Variants in UGGT2 observed in about 807,000 individuals in gnomAD.
UGGT2 encodes UDP-glucose:glycoprotein glucosyltransferase 2.
UGGT2 carries 180 observed loss-of-function variants against 192.1 expected under a neutral mutation model. That is an observed-to-expected ratio of 0.94 (90% confidence interval 0.83 to 1.06). The LOEUF is 1.06. Among genes scored for constraint, UGGT2 ranks in the 50% least tolerant of loss-of-function variants. UGGT2 has a pLI of 0.00. For missense variants in UGGT2, 1,849 were observed against 1,795.7 expected (o/e 1.03, Z -0.54); for synonymous variants, 580 against 591.0 (o/e 0.98, Z 0.27).
At chr13:95,960,319 C>T (rs2050347435) in intron 12 of UGGT2, among the ~76,000 whole-genome samples, 1 of 152,138 alleles carries the variant, frequency 6.6e-6, no homozygotes, top group Non-Finnish European at 1.5e-5. Context: ...TAAGAGAATA[C>T]TTTAAAACAA....
intron 12 of UGGT2, 58 bp downstream of exon 12, chr13:95,970,054 T>C: frequency 1.3e-6 from 2 of 1,505,160 alleles, no homozygotes; most frequent in Middle Eastern, 1.7e-4. Flanking sequence ...TACTTCATTT[T>C]ATGTTAAGCC....
rs533291284 is a variant in UGGT2, at chr13:96,003,565, T to C, written c.661-4258A>G. On this transcript the variant is annotated intron_variant, in intron 5 of 38. Coordinates refer to ENST00000376747, the MANE Select transcript of UGGT2 (RefSeq NM_020121.4). ...GCAGAAGTATCACTGTATGAGTTCT[T>C]GGGCATAGGGCTTAAGAGGTATTGC... Among the ~76,000 whole-genome samples, 3 of 152,324 alleles carry C rather than the reference T, an allele frequency of 2.0e-5. No homozygotes were observed. In the South Asian group the frequency reaches 6.2e-4, roughly 32 times the overall value.
intron 38 of UGGT2, among the ~76,000 whole-genome samples, chr13:95,820,400 A>G (rs1287652194): frequency 6.6e-6 from 1 of 152,156 alleles, no homozygotes; most frequent in South Asian, 2.1e-4. Context: ...CAAAAAAGGA[A>G]TACAAAGCTC....
At chr13:95,927,160 T>C (rs369637281) in intron 18 of UGGT2, 34 bp from the exon 19 acceptor site, 3 of 1,605,022 alleles carry the variant, frequency 1.9e-6, no homozygotes, top group Non-Finnish European at 2.5e-6. Context: ...TAAATATAAA[T>C]AAAGAATTCA....
chr13:95,882,785 T>G (rs1328436127), intron 27 of UGGT2, among the ~76,000 whole-genome samples: 1 of 152,162 alleles, frequency 6.6e-6, no homozygotes, highest in African/African-American at 2.4e-5. Context: ...CTGCTGAAAT[T>G]TTCACCAGCA....
intron 12 of UGGT2, among the ~76,000 whole-genome samples, chr13:95,955,194 T>C (rs2050177163): frequency 1.3e-5 from 2 of 152,244 alleles, no homozygotes. Flanking sequence ...ACTATGTTCC[T>C]ATTTTTAATT....
intron 13 of UGGT2, 43 bp from the exon 14 acceptor site, chr13:95,948,124 A>G (rs2049938575): frequency 6.7e-7 from 1 of 1,483,192 alleles, no homozygotes; most frequent in Admixed American, 2.0e-5. Flanking sequence ...ACACCTTAGA[A>G]TCTTCATGAA....
At chr13:96,045,531 A>C (rs536429887) in intron 1 of UGGT2, among the ~76,000 whole-genome samples, 25 of 152,324 alleles carry the variant, frequency 1.6e-4, no homozygotes, top group African/African-American at 5.8e-4. Context: ...AAATCAGTAA[A>C]GAGGAAGTCA....
chr13:96,053,013 A>AGGTG, intron 1 of UGGT2, 142 bp downstream of exon 1: 1 of 1,147,014 alleles, frequency 8.7e-7, no homozygotes, highest in Admixed American at 3.8e-5. Context: ...GGAAGGAAGG[A>AGGTG]GGTGGTGATG....
chr13:96,016,149 A>G (rs770332871), intron 4 of UGGT2, among the ~76,000 whole-genome samples: 5 of 152,224 alleles, frequency 3.3e-5, no homozygotes, highest in Non-Finnish European at 5.9e-5. Flanking sequence ...GTAGGAGCAA[A>G]GAAATGGCTT....
At chr13:95,927,466 C>CTTTTTTTTTTTTTT (rs1566709199) in intron 17 of UGGT2, 130 bp from the exon 18 acceptor site, 1 of 569,652 alleles carries the variant, frequency 1.8e-6, no homozygotes. Context: ...AATACATTTT[C>CTTTTTTTTTTTTTT]TTTCTTTTTT....
intron 7 of UGGT2, among the ~76,000 whole-genome samples, chr13:95,993,203 C>T (rs899555264): frequency 6.6e-6 from 1 of 152,128 alleles, no homozygotes; most frequent in South Asian, 2.1e-4. Flanking sequence ...TGGGTATACA[C>T]GAACATAAAG....
At chr13:95,887,370 A>G in intron 26 of UGGT2, 1 of 488,532 alleles carries the variant, frequency 2.0e-6, no homozygotes, top group Admixed American at 2.1e-5. Flanking sequence ...CACAAAGAAG[A>G]GAAAGGGTAT....
chr13:95,983,941 A>T (rs2140871752), intron 9 of UGGT2, 77 bp from the exon 10 acceptor site: 1 of 915,234 alleles, frequency 1.1e-6, no homozygotes, highest in South Asian at 2.8e-5. Context: ...ATGTAATCTA[A>T]TACTTTGGAT....
chr13:95,829,733 T>C (rs1340216218), intron 38 of UGGT2, among the ~76,000 whole-genome samples: 1 of 152,038 alleles, frequency 6.6e-6, no homozygotes, highest in African/African-American at 2.4e-5. Flanking sequence ...ATTGTGAAAA[T>C]GGCCACACTG....
At chr13:96,021,904 T>A (rs1447585106) in intron 4 of UGGT2, among the ~76,000 whole-genome samples, 1 of 152,176 alleles carries the variant, frequency 6.6e-6, no homozygotes, top group Non-Finnish European at 1.5e-5. Flanking sequence ...CCAATACTTT[T>A]AACATAATTC....
intron 7 of UGGT2, chr13:95,991,429 GGT>G (rs1360364111): frequency 2.2e-6 from 1 of 451,726 alleles, no homozygotes; most frequent in African/African-American, 2.0e-5. Flanking sequence ...GGTGTGAGAT[GGT>G]GTCTCATTGA....
intron 38 of UGGT2, among the ~76,000 whole-genome samples, chr13:95,812,978 C>T (rs1181069231): frequency 3.3e-5 from 5 of 152,140 alleles, no homozygotes; most frequent in African/African-American, 1.2e-4. Context: ...AATTATATCT[C>T]CCCAGAACCC....
chr13:96,024,093 A>T (rs1270140683), intron 2 of UGGT2, among the ~76,000 whole-genome samples: 2 of 152,228 alleles, frequency 1.3e-5, no homozygotes, highest in African/African-American at 2.4e-5. Flanking sequence ...ACAAGGTAGA[A>T]ATTAAGAACA....
Sources: allele counts gnomAD v4.1 joint callset (sites outside exome capture counted in the v4.1 genomes callset), GRCh38; gene constraint gnomAD v4.1.1; transcripts MANE v1.5; gene names NCBI Gene and HGNC (gene_info 2026-07-23, HGNC 2026-07-21).